Variants in MYO16 observed in about 807,000 individuals in gnomAD.
MYO16 encodes the protein unconventional myosin-XVI.
A neutral mutation model predicts 205.3 loss-of-function variants in MYO16; 94 were observed. That is an observed-to-expected ratio of 0.46 (90% CI 0.39 to 0.54). MYO16 has a LOEUF of 0.54. Ranked by LOEUF, MYO16 falls within the 20% of genes least tolerant of loss-of-function variation. The pLI is 0.00. For synonymous variants in MYO16, 988 were observed against 954.0 expected, an observed-to-expected ratio of 1.04 and a Z score of -0.66; for missense variants, 2,315 against 2,387.5, an observed-to-expected ratio of 0.97 and a Z score of 0.63.
chr13:108,796,910 A>G (rs1240785995), intron 6 of MYO16, among the ~76,000 whole-genome samples: 1 of 148,948 alleles, frequency 6.7e-6, no homozygotes, highest in East Asian at 2.0e-4. Flanking sequence ...CCTAAAACTT[A>G]AAGTATAATT....
Position 109,140,776 on chromosome 13 carries a change from G to A in MYO16, c.4564G>A (p.Val1522Ile). ...CCTGCTGGTGTTCCCCCCGACCCCC[G>A]TCACCTGCTCCCCCGCCTCCGACGA... ...PPLLVFPPTP[V>I]TCSPASDESP... Residue 1522 changes from valine (V) to isoleucine (I), a missense_variant, in exon 32 of 35, where the codon GTC becomes ATC. Val to Ile is a conservative substitution (Grantham distance 29). Coordinates refer to ENST00000457511, the MANE Select transcript of MYO16 (RefSeq NM_001198950.3). This position sits in a 1 kb window ranked among gnomAD's most constrained non-coding sequence, Gnocchi z 8.0. 2 of 1,330,656 alleles carry A rather than the reference G, an allele frequency of 1.5e-6. No individual in the cohort carries two copies. Among genetic ancestry groups the A allele is most frequent in the Non-Finnish European group, 2.0e-6 (2 of 1,005,696 alleles). 82.4% of individuals were successfully genotyped at this position (1,330,656 alleles called of 1,614,324 possible).
intron 4 of MYO16, among the ~76,000 whole-genome samples, chr13:108,731,883 T>C (rs937535063): frequency 1.3e-5 from 2 of 152,222 alleles, no homozygotes; most frequent in African/African-American, 4.8e-5. Context: ...AGATATTTTA[T>C]ACTCTAATGG....
chr13:108,805,944 A>ATAAATAAATAAT (rs1887100572), intron 6 of MYO16, among the ~76,000 whole-genome samples: 1 of 150,880 alleles, frequency 6.6e-6, no homozygotes, highest in South Asian at 2.1e-4. Flanking sequence ...AAATAAATAA[A>ATAAATAAATAAT]TAAATAAATA....
At chr13:108,581,828 G>A in the MYO16 span, among the ~76,000 whole-genome samples, 1 of 149,236 alleles carries the variant, frequency 6.7e-6, no homozygotes, top group Non-Finnish European at 1.5e-5. Context: ...GCAGTGAGCT[G>A]AGATCATGCC....
intron 23 of MYO16, among the ~76,000 whole-genome samples, chr13:109,020,160 A>G (rs1306841830): frequency 6.6e-6 from 1 of 152,178 alleles, no homozygotes; most frequent in African/African-American, 2.4e-5. Flanking sequence ...TATATGAGCA[A>G]AGGATCCCTG....
chr13:108,935,819 G>GT (rs796450434), intron 16 of MYO16, among the ~76,000 whole-genome samples: 11,445 of 145,554 alleles, frequency 0.079, 511 homozygotes, highest in Non-Finnish European at 0.089. Flanking sequence ...TTTCTTGAGG[G>GT]TTTTTTTTTT....
intron 4 of MYO16, among the ~76,000 whole-genome samples, chr13:108,758,025 A>G (rs77551226): frequency 0.16 from 24,202 of 152,036 alleles, 2,146 homozygotes; most frequent in Non-Finnish European, 0.21. Context: ...AGGCCTTCTA[A>G]TTGAGATTAG....
chr13:108,604,998 G>A (rs917473231), intron 1 of MYO16, among the ~76,000 whole-genome samples: 1 of 152,174 alleles, frequency 6.6e-6, no homozygotes, highest in African/African-American at 2.4e-5. Context: ...CTATCCATGT[G>A]TAAACATTTC....
At chr13:109,167,638 A>T (rs1594151415) in intron 33 of MYO16, among the ~76,000 whole-genome samples, 1 of 152,364 alleles carries the variant, frequency 6.6e-6, no homozygotes, top group South Asian at 2.1e-4. Flanking sequence ...TAAAAATGAA[A>T]CAGAAACCTT....
intron 22 of MYO16, among the ~76,000 whole-genome samples, chr13:109,015,450 T>C (rs948666810): frequency 1.3e-5 from 2 of 152,216 alleles, no homozygotes; most frequent in African/African-American, 4.8e-5. Flanking sequence ...CTGCCAGGCT[T>C]TGGTATCAGG....
rs189848380 is a variant in MYO16, at chr13:108,960,480, C to T, written c.2038-1059C>T. 5.0e-3 allele frequency among the ~76,000 whole-genome samples: 759 copies of T among 152,186 alleles called. 5 individuals carry two copies. The highest frequency in any genetic ancestry group is 7.5e-3 in the Non-Finnish European group (510 of 68,018). On this transcript the variant is annotated intron_variant, in intron 17 of 34. Coordinates refer to ENST00000457511, the MANE Select transcript of MYO16 (RefSeq NM_001198950.3). ...AAATTAGAGATCATTCTTTTCAATG[C>T]TCTCACTTTAAAATTGGTAAAATCA...
intron 34 of MYO16, among the ~76,000 whole-genome samples, chr13:109,199,198 A>G (rs1366239870): frequency 5.5e-4 from 12 of 21,740 alleles, no homozygotes; most frequent in African/African-American, 7.0e-4. Flanking sequence ...AAAGGTATAT[A>G]TATATATATA....
At chr13:108,903,597 T>C (rs893708417) in intron 15 of MYO16, among the ~76,000 whole-genome samples, 1 of 152,214 alleles carries the variant, frequency 6.6e-6, no homozygotes, top group Non-Finnish European at 1.5e-5. Context: ...TACTTTAAAA[T>C]GATTTTCAGT....
rs558508618 is a variant in MYO16, at chr13:108,793,807, G to T, written c.741+167G>T. Among the ~76,000 whole-genome samples, 219 of 152,278 alleles carry T rather than the reference G, an allele frequency of 1.4e-3. 1 individual carries two copies. The highest frequency in any genetic ancestry group is 2.3e-3 in the Non-Finnish European group (158 of 68,014). Reference sequence around the variant, plus strand: ...CACCTAAGTAAGCAAAGAAGAAAATGCAGACCCGGCAGTCCCATTATTGGG... The same window carrying T: ...CACCTAAGTAAGCAAAGAAGAAAATTCAGACCCGGCAGTCCCATTATTGGG... On this transcript the variant is annotated intron_variant, in intron 6 of 34. Transcript: ENST00000457511.
chr13:108,668,397 G>C (rs1881833701), intron 2 of MYO16, among the ~76,000 whole-genome samples: 1 of 152,142 alleles, frequency 6.6e-6, no homozygotes, highest in Non-Finnish European at 1.5e-5. Flanking sequence ...CTGATTACCT[G>C]GCTATAGGGA....
At chr13:108,557,950 T>C in the MYO16 span, among the ~76,000 whole-genome samples, 6,689 of 152,250 alleles carry the variant, frequency 0.044, 446 homozygotes, top group African/African-American at 0.15. Context: ...TACACATATA[T>C]GTTATCACAT....
At chr13:108,588,756 C>T in the MYO16 span, among the ~76,000 whole-genome samples, 1 of 151,898 alleles carries the variant, frequency 6.6e-6, no homozygotes, top group Non-Finnish European at 1.5e-5. Context: ...AGTGAGAGGC[C>T]TTGGACATCC....
intron 14 of MYO16, among the ~76,000 whole-genome samples, chr13:108,892,515 A>T (rs1880220476): frequency 6.6e-6 from 1 of 152,220 alleles, no homozygotes; most frequent in Admixed American, 6.5e-5. Context: ...TGCTGGGATT[A>T]CGGACATGAG....
At chr13:108,643,690 C>A (rs1380214909) in intron 1 of MYO16, among the ~76,000 whole-genome samples, 1 of 152,100 alleles carries the variant, frequency 6.6e-6, no homozygotes, top group East Asian at 1.9e-4. Context: ...GTGTGTGCAC[C>A]CCATTCACTA....
Sources: allele counts gnomAD v4.1 joint callset (sites outside exome capture counted in the v4.1 genomes callset), GRCh38; gene constraint gnomAD v4.1.1; non-coding constraint Gnocchi (gnomAD v3.1); transcripts MANE v1.5; gene names NCBI Gene and HGNC (gene_info 2026-07-23, HGNC 2026-07-21).